The following BMERB1 variants were observed in gnomAD, a reference collection of about 807,000 sequenced individuals.
BMERB1 encodes bMERB domain containing 1, also known as bMERB domain-containing protein 1.
In BMERB1, 12 loss-of-function variants were observed where a neutral mutation model predicts 23.6. The observed-to-expected ratio is 0.51, with a 90% CI of 0.33 to 0.82. The LOEUF (loss-of-function observed/expected upper bound fraction) is 0.82. BMERB1 is among the 40% of genes least tolerant of loss of function. The pLI is 0.03. For synonymous variants in BMERB1, 122 were observed against 96.6 expected, an observed-to-expected ratio of 1.26 and a Z score of -1.54; for missense variants, 247 against 255.4, an observed-to-expected ratio of 0.97 and a Z score of 0.22.
chr16:15,474,542 T>G (rs1272081003), intron 1 of BMERB1, among the ~76,000 whole-genome samples: 1 of 151,944 alleles, frequency 6.6e-6, no homozygotes, highest in East Asian at 1.9e-4. Flanking sequence ...GCTAAATTTT[T>G]TTGTGTGTGT....
intron 2 of BMERB1, among the ~76,000 whole-genome samples, chr16:15,515,681 A>G (rs2051742448): frequency 1.3e-5 from 2 of 152,086 alleles, no homozygotes; most frequent in African/African-American, 2.4e-5. Flanking sequence ...TGTATCACCC[A>G]CGGGGAAGAA....
intron 2 of BMERB1, among the ~76,000 whole-genome samples, chr16:15,564,855 C>G (rs1438351956): frequency 2.0e-5 from 3 of 152,148 alleles, no homozygotes; most frequent in Non-Finnish European, 4.4e-5. Context: ...GTAATCTAAC[C>G]TACTGACCTG....
chr16:15,456,072 T>C (rs1379364688), intron 1 of BMERB1, among the ~76,000 whole-genome samples: 1 of 152,132 alleles, frequency 6.6e-6, no homozygotes, highest in Non-Finnish European at 1.5e-5. Flanking sequence ...TTTAAAGTAA[T>C]AGATGCTCAT....
intron 2 of BMERB1, among the ~76,000 whole-genome samples, chr16:15,553,132 C>T (rs564335726): frequency 6.6e-6 from 1 of 152,280 alleles, no homozygotes; most frequent in East Asian, 1.9e-4. Context: ...CTCGGCTTCC[C>T]GAGTAACTGG....
At chr16:15,558,539 G>T (rs1348029251) in intron 2 of BMERB1, among the ~76,000 whole-genome samples, 1 of 152,100 alleles carries the variant, frequency 6.6e-6, no homozygotes, top group Non-Finnish European at 1.5e-5. Flanking sequence ...AGGTTCAGTT[G>T]AAGGGTCATT....
Position 15,476,100 on chromosome 16 carries a change from C to T in BMERB1, c.107-39205C>T, listed in dbSNP as rs150014984. Among the ~76,000 whole-genome samples, 383 of 152,072 alleles carry T rather than the reference C, an allele frequency of 2.5e-3. 3 individuals are homozygous for T. The highest frequency in any genetic ancestry group is 8.3e-3 in the African/African-American group (346 of 41,472). ...GGACATTCCAAAGGCTGAGAGATGACCTCCCAGGAGCTGAAGTTTAAATTC... is the reference window on the plus strand; with the variant it reads ...GGACATTCCAAAGGCTGAGAGATGATCTCCCAGGAGCTGAAGTTTAAATTC... On this transcript the variant is annotated intron_variant, in intron 1 of 5. Transcript: ENST00000300006.
chr16:15,556,534 A>C (rs2030263677), intron 2 of BMERB1, among the ~76,000 whole-genome samples: 1 of 152,220 alleles, frequency 6.6e-6, no homozygotes, highest in African/African-American at 2.4e-5. Context: ...CTGTGCTTGC[A>C]GAATGGGGCT....
At chr16:15,522,681 A>C (rs2051867671) in intron 2 of BMERB1, among the ~76,000 whole-genome samples, 1 of 152,152 alleles carries the variant, frequency 6.6e-6, no homozygotes, top group African/African-American at 2.4e-5. Flanking sequence ...GTCCAGATGA[A>C]ATGGGAAAAG....
At chr16:15,461,724 A>G (rs963040060) in intron 1 of BMERB1, among the ~76,000 whole-genome samples, 1 of 151,994 alleles carries the variant, frequency 6.6e-6, no homozygotes, top group African/African-American at 2.4e-5. Flanking sequence ...GGAGTTTGAG[A>G]CCAGCCTGGG....
At chr16:15,568,814 C>T (rs566386576) in intron 3 of BMERB1, among the ~76,000 whole-genome samples, 4 of 152,188 alleles carry the variant, frequency 2.6e-5, no homozygotes, top group African/African-American at 7.2e-5. Flanking sequence ...GAAGTCACCC[C>T]AGATTTGGTA....
At chr16:15,485,516 GTC>G (rs10602333) in intron 1 of BMERB1, among the ~76,000 whole-genome samples, 137,720 of 152,112 alleles carry the variant, frequency 0.91, 63,926 homozygotes, top group East Asian at 1. Context: ...CATTTGGATG[GTC>G]TCTGAACCAT....
intron 1 of BMERB1, among the ~76,000 whole-genome samples, chr16:15,496,313 C>T (rs533237514): frequency 1.3e-5 from 2 of 151,988 alleles, no homozygotes; most frequent in Non-Finnish European, 2.9e-5. Flanking sequence ...TTCACCAAGT[C>T]CTCACTGTCC....
chr16:15,480,604 G>T (rs1684547), intron 1 of BMERB1, among the ~76,000 whole-genome samples: 39,822 of 124,620 alleles, frequency 0.32, 6,525 homozygotes, highest in East Asian at 0.57. Flanking sequence ...CAATTCCACT[G>T]TCTTTTTTTT....
chr16:15,443,623 A>G (rs1358510629), intron 1 of BMERB1, among the ~76,000 whole-genome samples: 1 of 151,980 alleles, frequency 6.6e-6, no homozygotes, highest in Non-Finnish European at 1.5e-5. Context: ...GCTAAATGAA[A>G]AGTACAAGTG....
chr16:15,536,343 C>A (rs1475176683), intron 2 of BMERB1, among the ~76,000 whole-genome samples: 1 of 151,966 alleles, frequency 6.6e-6, no homozygotes, highest in African/African-American at 2.4e-5. Context: ...AGGCAGCAGC[C>A]CCCTAGGGAC....
chr16:15,563,250 C>T (rs1016973997), intron 2 of BMERB1, among the ~76,000 whole-genome samples: 32 of 151,902 alleles, frequency 2.1e-4, no homozygotes, highest in East Asian at 1.4e-3. Flanking sequence ...TTTTTTGGGA[C>T]GGAGACTCGC....
chr16:15,483,028 G>C (rs144071400), intron 1 of BMERB1, among the ~76,000 whole-genome samples: 1 of 152,140 alleles, frequency 6.6e-6, no homozygotes, highest in Non-Finnish European at 1.5e-5. Flanking sequence ...CCTGATGCGT[G>C]TTTTTCTAGT....
In BMERB1 at chr16:15,586,837, G is replaced by C; in HGVS notation, c.*8G>C. On this transcript the variant is annotated 3_prime_UTR_variant, in exon 6 of 6. Coordinates refer to ENST00000300006, the MANE Select transcript of BMERB1 (RefSeq NM_033201.3). Reference sequence around the variant, plus strand: ...CAGTGCAACATCATGTAGCCCCCACGTGGGGTGCCCTGGGCCATGGGGACC... The same window carrying C: ...CAGTGCAACATCATGTAGCCCCCACCTGGGGTGCCCTGGGCCATGGGGACC... The C allele has an allele frequency of 6.3e-7, 1 of 1,583,268 alleles. No homozygotes were observed. Among genetic ancestry groups the C allele is most frequent in the African/African-American group, 1.4e-5 (1 of 73,582 alleles).
At chr16:15,455,291 T>C (rs1306421255) in intron 1 of BMERB1, among the ~76,000 whole-genome samples, 1 of 143,280 alleles carries the variant, frequency 7.0e-6, no homozygotes, top group Non-Finnish European at 1.5e-5. Context: ...GCAACTGCAC[T>C]CCAGCCTGGG....
Sources: gnomAD v4.1 joint callset for allele counts (sites outside exome capture counted in the v4.1 genomes callset) on GRCh38, gnomAD v4.1.1 for gene constraint, MANE v1.5 for transcripts, NCBI Gene and HGNC (gene_info 2026-07-23, HGNC 2026-07-21) for gene names.